Variants in GRID1 observed in about 807,000 individuals in gnomAD.
GRID1 encodes the protein glutamate ionotropic receptor delta type subunit 1.
GRID1 carries 28 observed loss-of-function variants against 98.0 expected under a neutral mutation model. The ratio of observed to expected loss-of-function variants is 0.29; its 90% CI spans 0.21 to 0.39. The LOEUF is 0.39. GRID1 is among the 10% of genes least tolerant of loss of function. The probability of loss-of-function intolerance (pLI) is 1.00; values close to 1 mark genes in which losing one functional copy is unlikely to be tolerated. For missense variants in GRID1, 1,111 were observed against 1,340.5 expected (o/e 0.83, Z 2.67); for synonymous variants, 553 against 538.5 (o/e 1.03, Z -0.37).
chr10:86,224,411 A>T (rs1401939548), intron 2 of GRID1, among the ~76,000 whole-genome samples: 1 of 152,118 alleles, frequency 6.6e-6, no homozygotes, highest in Non-Finnish European at 1.5e-5. Context: ...TGGGCTTGGG[A>T]GTCCCCAGAG....
At chr10:85,908,681 C>T (rs749852788) in intron 5 of GRID1, among the ~76,000 whole-genome samples, 2 of 152,122 alleles carry the variant, frequency 1.3e-5, no homozygotes, top group Non-Finnish European at 2.9e-5. Flanking sequence ...AGCTGACAAG[C>T]TGATTTTAAA....
intron 4 of GRID1, among the ~76,000 whole-genome samples, chr10:86,067,627 G>C (rs557572157): frequency 2.7e-4 from 41 of 152,276 alleles, no homozygotes; most frequent in Non-Finnish European, 4.9e-4. Context: ...CTCCACCACC[G>C]GGTGTGCCCA....
chr10:85,750,685 A>G (rs1422416498), intron 8 of GRID1, among the ~76,000 whole-genome samples: 1 of 152,224 alleles, frequency 6.6e-6, no homozygotes, highest in Non-Finnish European at 1.5e-5. Context: ...AGCACTATGC[A>G]TCAAAAGCCT....
intron 4 of GRID1, among the ~76,000 whole-genome samples, chr10:85,944,496 T>C (rs1842031049): frequency 6.6e-6 from 1 of 152,216 alleles, no homozygotes; most frequent in South Asian, 2.1e-4. Context: ...TGACAATAGC[T>C]ATTAAAACTG....
intron 12 of GRID1, among the ~76,000 whole-genome samples, chr10:85,697,291 G>A (rs1392818569): frequency 9.7e-6 from 1 of 103,236 alleles, no homozygotes; most frequent in Non-Finnish European, 2.1e-5. Context: ...CATAAACTTT[G>A]TTGCTCCATT....
intron 4 of GRID1, among the ~76,000 whole-genome samples, chr10:85,927,131 TGTGG>T: frequency 6.6e-6 from 1 of 152,192 alleles, no homozygotes; most frequent in East Asian, 1.9e-4. Context: ...ACAGGAAGTG[TGTGG>T]GCAAGCTGAC....
chr10:85,912,926 A>G (rs1373475352), intron 5 of GRID1, among the ~76,000 whole-genome samples: 1 of 152,214 alleles, frequency 6.6e-6, no homozygotes, highest in Non-Finnish European at 1.5e-5. Context: ...CAAAGCCTAA[A>G]ATGATATCAC....
intron 8 of GRID1, among the ~76,000 whole-genome samples, chr10:85,773,728 C>T (rs982899982): frequency 6.6e-6 from 1 of 152,170 alleles, no homozygotes; most frequent in Non-Finnish European, 1.5e-5. Flanking sequence ...TTTACAATTG[C>T]TTCAAAGAGA....
intron 2 of GRID1, among the ~76,000 whole-genome samples, chr10:86,314,180 C>T (rs1176735241): frequency 1.3e-5 from 2 of 152,230 alleles, no homozygotes; most frequent in Non-Finnish European, 2.9e-5. Flanking sequence ...GCTCCACTTC[C>T]TTGCCCCTCA....
At chr10:86,259,295 C>T (rs555314206) in intron 2 of GRID1, among the ~76,000 whole-genome samples, 1 of 152,304 alleles carries the variant, frequency 6.6e-6, no homozygotes, top group East Asian at 1.9e-4. Context: ...ATTCTGTTTC[C>T]AGACCTCTGC....
chr10:86,174,302 C>T (rs1025955815), intron 3 of GRID1, among the ~76,000 whole-genome samples: 1 of 152,002 alleles, frequency 6.6e-6, no homozygotes, highest in African/African-American at 2.4e-5. Context: ...AGATATAGAT[C>T]AATGGAACAG....
intron 12 of GRID1, among the ~76,000 whole-genome samples, chr10:85,676,071 T>C (rs909694357): frequency 6.6e-6 from 1 of 152,068 alleles, no homozygotes; most frequent in African/African-American, 2.4e-5. Flanking sequence ...AGCAAGGAGA[T>C]TTTCATGGCA....
chr10:86,248,819 T>C (rs1846775259), intron 2 of GRID1, among the ~76,000 whole-genome samples: 1 of 152,196 alleles, frequency 6.6e-6, no homozygotes, highest in African/African-American at 2.4e-5. Flanking sequence ...GTGATCCACC[T>C]GCCTTGGCCT....
rs368156547 is a variant in GRID1 at position 85,706,730 on chromosome 10, A to G, written c.1997+16273T>C. 3.9e-5 allele frequency among the ~76,000 whole-genome samples: 6 copies of G among 152,344 alleles called. No individual in the cohort carries two copies. The East Asian group carries it at 1.2e-3, about 29-fold the overall frequency. On this transcript the variant is annotated intron_variant, in intron 12 of 15. Transcript: ENST00000327946. Reference sequence around the variant, plus strand: ...CAAACAATACTACAAGGCTACAGTCACCAAAACAGCATGGTACTGGTACCA... The same window carrying G: ...CAAACAATACTACAAGGCTACAGTCGCCAAAACAGCATGGTACTGGTACCA...
At chr10:86,020,402 C>T (rs1843034293) in intron 4 of GRID1, among the ~76,000 whole-genome samples, 1 of 152,236 alleles carries the variant, frequency 6.6e-6, no homozygotes, top group Admixed American at 6.5e-5. Context: ...GGAGTCGACA[C>T]TCGCCCATGC....
chr10:85,634,247 C>A (rs1314880103), intron 13 of GRID1, among the ~76,000 whole-genome samples: 1 of 66,384 alleles, frequency 1.5e-5, no homozygotes, highest in Non-Finnish European at 2.9e-5. Flanking sequence ...CCTGATGGGG[C>A]ACCTCTCTCT....
chr10:86,118,755 C>CT (rs1253648580), intron 4 of GRID1, among the ~76,000 whole-genome samples: 1 of 152,192 alleles, frequency 6.6e-6, no homozygotes, highest in Non-Finnish European at 1.5e-5. Context: ...AGTAAGTACC[C>CT]TTGACATGGT....
At chr10:86,308,482 G>A (rs556569941) in intron 2 of GRID1, among the ~76,000 whole-genome samples, 6 of 152,226 alleles carry the variant, frequency 3.9e-5, no homozygotes, top group South Asian at 4.1e-4. Context: ...CCCAGCCTCA[G>A]AGTGACTGTG....
intron 15 of GRID1, among the ~76,000 whole-genome samples, chr10:85,603,638 T>G (rs1372881072): frequency 6.6e-6 from 1 of 152,226 alleles, no homozygotes. Flanking sequence ...TCTCCTTCCT[T>G]GGCTTCCCCG....
Sources: gnomAD v4.1 joint callset for allele counts (sites outside exome capture counted in the v4.1 genomes callset) on GRCh38, gnomAD v4.1.1 for gene constraint, MANE v1.5 for transcripts, NCBI Gene and HGNC (gene_info 2026-07-23, HGNC 2026-07-21) for gene names.